MICU3: variants seen among roughly 807,000 people sequenced by gnomAD.
MICU3 encodes the protein mitochondrial calcium uptake 3.
Under a neutral mutation model 66.5 loss-of-function variants are expected in MICU3, and 62 were observed. That is an observed-to-expected ratio of 0.93 (90% CI 0.76 to 1.15). The LOEUF (loss-of-function observed/expected upper bound fraction) is 1.15. Among genes scored for constraint, MICU3 ranks in the 50% most tolerant of loss-of-function variants. The probability of loss-of-function intolerance (pLI) is 0.00; values close to 1 mark genes in which losing one functional copy is unlikely to be tolerated. For synonymous variants in MICU3, 308 were observed against 240.7 expected, an observed-to-expected ratio of 1.28 and a Z score of -2.59; for missense variants, 779 against 664.4, an observed-to-expected ratio of 1.17 and a Z score of -1.90.
At chr8:17,116,328 G>A in intron 12 of MICU3, 115 bp from the exon 13 acceptor site, 2 of 625,998 alleles carry the variant, frequency 3.2e-6, no homozygotes, top group Non-Finnish European at 4.9e-6. Context: ...AGGCCATGTT[G>A]CATAAGATCA....
intron 5 of MICU3, among the ~76,000 whole-genome samples, chr8:17,083,377 A>G (rs997105708): frequency 6.6e-6 from 1 of 152,094 alleles, no homozygotes; most frequent in African/African-American, 2.4e-5. Context: ...CCTAAACCAT[A>G]ATTTCTAATC....
intron 1 of MICU3, among the ~76,000 whole-genome samples, chr8:17,055,627 A>G (rs1246059019): frequency 6.6e-6 from 1 of 152,180 alleles, no homozygotes; most frequent in East Asian, 1.9e-4. Flanking sequence ...AAAGCTTCTC[A>G]CATGAACTTC....
At chr8:17,102,605 A>G (rs978874465) in intron 9 of MICU3, 2 of 151,944 alleles carry the variant, frequency 1.3e-5, no homozygotes, top group African/African-American at 4.8e-5. Flanking sequence ...GGGGACAGTA[A>G]TGCCTTTGAG....
chr8:17,137,784 T>C, the MICU3 span, among the ~76,000 whole-genome samples: 3 of 139,812 alleles, frequency 2.1e-5, no homozygotes, highest in African/African-American at 7.8e-5. Context: ...TGGCACAATC[T>C]CGGCTCACTG....
Position 17,121,778 on chromosome 8 carries a change from T to G in MICU3, c.*1491T>G, listed in dbSNP as rs1803213227. 1 of 152,176 alleles carries G rather than the reference T, an allele frequency of 6.6e-6. No homozygotes were observed. The highest frequency in any genetic ancestry group is 1.5e-5 in the Non-Finnish European group (1 of 67,728). 9.4% of individuals were successfully genotyped at this position (152,176 alleles called of 1,614,324 possible). A position where few individuals can be genotyped will look rare whatever the true frequency, so the allele number is the denominator to read the frequency against. On this transcript the variant is annotated 3_prime_UTR_variant, in exon 15 of 15. Coordinates refer to ENST00000318063, the MANE Select transcript of MICU3 (RefSeq NM_181723.3). Reference sequence around the variant, plus strand: ...TTTTTACATTGTTTATCTAATATTATTTATGACAGTAATTTTAAAATATAT... The same window carrying G: ...TTTTTACATTGTTTATCTAATATTAGTTATGACAGTAATTTTAAAATATAT...
At chr8:17,126,751 G>T (rs1194569998), downstream of MICU3, among the ~76,000 whole-genome samples, 1 of 152,176 alleles carries the variant, frequency 6.6e-6, no homozygotes, top group East Asian at 1.9e-4. Context: ...AGTGGGAAGA[G>T]ATGGTTTGAA....
intron 7 of MICU3, 82 bp from the exon 8 acceptor site, chr8:17,090,464 G>T (rs543011348): frequency 4.1e-6 from 5 of 1,207,248 alleles, no homozygotes; most frequent in Admixed American, 2.1e-5. Context: ...TTATTTTGTC[G>T]TCTTTTTCCT....
the MICU3 span, among the ~76,000 whole-genome samples, chr8:17,137,769 T>C: frequency 7.1e-6 from 1 of 141,002 alleles, no homozygotes; most frequent in Admixed American, 7.9e-5. Context: ...CAGGCTGGAA[T>C]GCAGTGGCAC....
chr8:17,103,689 C>G (rs575372091), intron 9 of MICU3, among the ~76,000 whole-genome samples: 1 of 151,858 alleles, frequency 6.6e-6, no homozygotes, highest in Non-Finnish European at 1.5e-5. Flanking sequence ...GGACTATAAC[C>G]AAGCAGTTTT....
chr8:17,101,744 T>G (rs189735316), intron 9 of MICU3, among the ~76,000 whole-genome samples: 2 of 151,998 alleles, frequency 1.3e-5, no homozygotes, highest in Admixed American at 1.3e-4. Context: ...TTTAAGGCTT[T>G]TTTTCCAGAT....
chr8:17,105,356 C>T (rs1801651292), intron 10 of MICU3, 57 bp from the exon 11 acceptor site: 1 of 1,031,008 alleles, frequency 9.7e-7, no homozygotes, highest in Non-Finnish European at 1.4e-6. Context: ...TTGCTCATCT[C>T]CTGTTACGAT....
At chr8:17,107,034 A>G (rs1801802237) in intron 11 of MICU3, among the ~76,000 whole-genome samples, 1 of 151,902 alleles carries the variant, frequency 6.6e-6, no homozygotes, top group Admixed American at 6.6e-5. Flanking sequence ...TTTCATTTTC[A>G]TTTGTTTACC....
intron 11 of MICU3, among the ~76,000 whole-genome samples, chr8:17,113,285 C>T (rs920529156): frequency 6.6e-6 from 1 of 152,208 alleles, no homozygotes. Context: ...TCTCTGTTCT[C>T]TTTCTTAATT....
chr8:17,065,412 T>G (rs1818526127), intron 2 of MICU3, among the ~76,000 whole-genome samples: 1 of 152,218 alleles, frequency 6.6e-6, no homozygotes, highest in Non-Finnish European at 1.5e-5. Flanking sequence ...GCATTATTGC[T>G]AATTCATAGA....
In MICU3 at chr8:17,077,832, C is replaced by T. The variant is rs1189801220; in HGVS notation, c.617C>T (p.Ser206Leu). 21 of 1,611,388 alleles carry T rather than the reference C, an allele frequency of 1.3e-5. No individual in the cohort carries two copies. Among genetic ancestry groups the T allele is most frequent in the Admixed American group, 5.0e-5 (3 of 59,878 alleles). Residue 206 changes from serine to leucine, a missense_variant, in exon 4 of 15, where the codon TCG becomes TTG. Transcript: ENST00000318063. ...AETPPVWKGS[S>L]KLFRNLKEKG... Reference sequence around the variant, plus strand: ...ACACCACCAGTTTGGAAAGGCTCATCGAAGCTATTTCGAAATCTTAAAGAA... The same window carrying T: ...ACACCACCAGTTTGGAAAGGCTCATTGAAGCTATTTCGAAATCTTAAAGAA...
chr8:17,028,031 C>T (rs772766742), intron 1 of MICU3, among the ~76,000 whole-genome samples: 1 of 152,170 alleles, frequency 6.6e-6, no homozygotes, highest in Non-Finnish European at 1.5e-5. Flanking sequence ...GGGGCGACAG[C>T]TAATGACCCA....
intron 1 of MICU3, among the ~76,000 whole-genome samples, chr8:17,053,112 T>C (rs576369434): frequency 2.0e-5 from 3 of 152,144 alleles, no homozygotes; most frequent in African/African-American, 7.2e-5. Context: ...CTAAATAATA[T>C]TGGTGAATAC....
chr8:17,066,540 T>TATAG (rs1677965602), intron 2 of MICU3, among the ~76,000 whole-genome samples: 1 of 111,108 alleles, frequency 9.0e-6, no homozygotes, highest in Non-Finnish European at 1.7e-5. Context: ...TATATATATA[T>TATAG]AGATTTTTTT....
intron 4 of MICU3, among the ~76,000 whole-genome samples, chr8:17,081,391 A>G (rs1416658392): frequency 6.6e-6 from 1 of 152,034 alleles, no homozygotes; most frequent in Non-Finnish European, 1.5e-5. Context: ...TTTTGTGTTA[A>G]GAGTCGTACA....
Sources: gnomAD v4.1 joint callset for allele counts (sites outside exome capture counted in the v4.1 genomes callset) on GRCh38, gnomAD v4.1.1 for gene constraint, MANE v1.5 for transcripts, NCBI Gene and HGNC (gene_info 2026-07-23, HGNC 2026-07-21) for gene names.